The following CABIN1 variants were observed in gnomAD, a reference collection of about 807,000 sequenced individuals.
The protein encoded by CABIN1 is calcineurin-binding protein cabin-1.
CABIN1 carries 133 observed loss-of-function variants against 227.7 expected under a neutral mutation model. That is an observed-to-expected ratio of 0.58 (90% CI 0.51 to 0.67). The LOEUF (loss-of-function observed/expected upper bound fraction) is 0.67. Ranked by LOEUF, CABIN1 falls within the 30% of genes least tolerant of loss-of-function variation. The pLI is 0.00. For synonymous variants in CABIN1, 1,086 were observed against 1,155.1 expected (o/e 0.94, Z 1.21); for missense variants, 2,408 against 2,852.5 (o/e 0.84, Z 3.55).
intron 28 of CABIN1, among the ~76,000 whole-genome samples, chr22:24,126,518 G>A (rs954648398): frequency 1.3e-5 from 2 of 152,024 alleles, no homozygotes; most frequent in African/African-American, 4.8e-5. Flanking sequence ...CTGGAAGCTG[G>A]TGTGACTAGA....
chr22:24,086,159 C>G (rs1033296939), intron 22 of CABIN1, among the ~76,000 whole-genome samples: 5 of 152,246 alleles, frequency 3.3e-5, no homozygotes, highest in Admixed American at 6.5e-5. Context: ...TGGCCGTCCT[C>G]TTGGGGTGAC....
chr22:24,134,942 G>C (rs746832131), intron 29 of CABIN1, among the ~76,000 whole-genome samples: 3 of 151,236 alleles, frequency 2.0e-5, no homozygotes, highest in Non-Finnish European at 4.4e-5. Context: ...GCTGGGCGTG[G>C]TGGCGGGCGC....
intron 13 of CABIN1, among the ~76,000 whole-genome samples, chr22:24,062,706 A>G (rs2039287567): frequency 6.6e-6 from 1 of 152,066 alleles, no homozygotes; most frequent in South Asian, 2.1e-4. Flanking sequence ...GATATACTCA[A>G]TGCTGTCTGT....
rs2039019002 is a variant in CABIN1 at position 24,059,220 on chromosome 22, C to T, written c.1263-7C>T. 2 of 1,614,048 alleles carry T rather than the reference C, an allele frequency of 1.2e-6. No homozygotes were observed. The highest frequency in any genetic ancestry group is 1.7e-5 in the Admixed American group (1 of 60,006). ...GTGACTTTGTGATTTTGGCATGTTA[C>T]ATGCAGGTTAAGAAAGCTGGACCCT... On this transcript the variant is annotated splice_region_variant and splice_polypyrimidine_tract_variant and intron_variant, in intron 10 of 36. Transcript: ENST00000263119.
chr22:24,091,939 C>A, intron 24 of CABIN1, 96 bp downstream of exon 24: 2 of 1,483,520 alleles, frequency 1.3e-6, no homozygotes, highest in East Asian at 2.3e-5. Context: ...AGTGACCGTC[C>A]TTCAACCTGC....
At chr22:24,151,227 G>T (rs1298505291) in intron 29 of CABIN1, among the ~76,000 whole-genome samples, 1 of 152,126 alleles carries the variant, frequency 6.6e-6, no homozygotes, top group Non-Finnish European at 1.5e-5. Context: ...CACAAAGGGG[G>T]TCTATCTGAC....
intron 27 of CABIN1, among the ~76,000 whole-genome samples, chr22:24,118,609 C>T (rs1040055826): frequency 2.0e-5 from 3 of 152,202 alleles, no homozygotes; most frequent in Admixed American, 2.0e-4. Flanking sequence ...CACAGGACCC[C>T]TTGCCTTTAT....
intron 29 of CABIN1, among the ~76,000 whole-genome samples, chr22:24,137,090 A>G (rs2044468812): frequency 6.6e-6 from 1 of 152,184 alleles, no homozygotes; most frequent in Non-Finnish European, 1.5e-5. Flanking sequence ...ATACCGGGGT[A>G]ATATTTCTAA....
At chr22:24,120,145 C>T (rs1013189804) in intron 28 of CABIN1, among the ~76,000 whole-genome samples, 1 of 152,208 alleles carries the variant, frequency 6.6e-6, no homozygotes, top group African/African-American at 2.4e-5. Context: ...GCCCTAGGCC[C>T]CATCTCTCCA....
chr22:24,029,450 G>A (rs2036335006), intron 1 of CABIN1, among the ~76,000 whole-genome samples: 1 of 152,190 alleles, frequency 6.6e-6, no homozygotes, highest in African/African-American at 2.4e-5. Context: ...TACTGAGGAA[G>A]CTGAGATGGG....
At chr22:24,106,915 T>C (rs957386963) in intron 26 of CABIN1, among the ~76,000 whole-genome samples, 1 of 152,224 alleles carries the variant, frequency 6.6e-6, no homozygotes, top group Non-Finnish European at 1.5e-5. Flanking sequence ...GGGTTGACTT[T>C]TAGTATTTGA....
Position 24,134,843 on chromosome 22 carries a change from C to T in CABIN1, c.4746+428C>T, listed in dbSNP as rs190212644. Among the ~76,000 whole-genome samples, 1,410 of 152,266 alleles carry T rather than the reference C, an allele frequency of 9.3e-3. 21 individuals carry two copies. The highest frequency in any genetic ancestry group is 0.03 in the African/African-American group (1,243 of 41,540). ...CTGTAGTCCCAGCACTTTTGGAGGCCGAGGCGGGCAGATCATCTGAGGTCA... is the reference window on the plus strand; with the variant it reads ...CTGTAGTCCCAGCACTTTTGGAGGCTGAGGCGGGCAGATCATCTGAGGTCA... On this transcript the variant is annotated intron_variant, in intron 29 of 36. Transcript: ENST00000263119.
At chr22:24,076,061 G>T in intron 18 of CABIN1, 108 bp from the exon 19 acceptor site, 6 of 711,248 alleles carry the variant, frequency 8.4e-6, no homozygotes, top group African/African-American at 1.8e-5. Flanking sequence ...CTGTAGTCAT[G>T]TTGATAAAGA....
intron 29 of CABIN1, among the ~76,000 whole-genome samples, chr22:24,156,306 C>G (rs545841852): frequency 6.6e-6 from 1 of 152,050 alleles, no homozygotes; most frequent in African/African-American, 2.4e-5. Context: ...GGAAATCGGC[C>G]GGCGGCGGGG....
chr22:24,100,133 T>C (rs1483715633), intron 26 of CABIN1, among the ~76,000 whole-genome samples: 2 of 152,282 alleles, frequency 1.3e-5, no homozygotes, highest in South Asian at 2.1e-4. Flanking sequence ...TTGCACAGTT[T>C]TGAACATTTG....
chr22:24,030,602 G>A (rs1415432360), intron 1 of CABIN1, among the ~76,000 whole-genome samples: 3 of 152,122 alleles, frequency 2.0e-5, no homozygotes, highest in African/African-American at 4.8e-5. Flanking sequence ...AAATAATTAG[G>A]AAGCCTGAAA....
chr22:24,164,399 G>A lies in CABIN1; in HGVS notation c.4747-1G>A, dbSNP rs756614423. 6.2e-7 allele frequency: 1 copy of A among 1,602,550 alleles called. No individual in the cohort carries two copies. The highest frequency in any genetic ancestry group is 1.1e-5 in the South Asian group (1 of 91,078). On this transcript the variant is annotated splice_acceptor_variant, in intron 29 of 36. Transcript: ENST00000263119. LOFTEE classifies it high-confidence loss of function. ...ACACACCTGTGCCATCCATCCCACA[G>A]GGCATCTGGCGGATCCCCGTGGACG...
chr22:24,129,622 CCATCAGTGAAGT>C (rs2043945416), intron 28 of CABIN1, among the ~76,000 whole-genome samples: 2 of 152,228 alleles, frequency 1.3e-5, no homozygotes. Context: ...CCTGGAGGAG[CCATCAGTGAAGT>C]CAGACTGTGT....
At position 24,076,186 on chromosome 22, in the gene CABIN1, A is replaced by G. The variant is rs563004348; in HGVS notation, c.2650A>G (p.Met884Val). 5 of 1,614,154 alleles carry G rather than the reference A, an allele frequency of 3.1e-6. No homozygotes were observed. The Admixed American group carries it at 6.7e-5, about 22-fold the overall frequency. ...TTCCCTAGGGATGTCAGAGACGCCCATGCTCCCATCCTCCCTCATGCTGCT... is the reference window on the plus strand; with the variant it reads ...TTCCCTAGGGATGTCAGAGACGCCCGTGCTCCCATCCTCCCTCATGCTGCT... ...PAEEGMSETP[M>V]LPSSLMLLNT... The change falls in exon 19 of 37, where the codon ATG (methionine) becomes GTG (valine). Residue 884 changes from methionine (M) to valine (V), a missense_variant. Physicochemically the swap from Met to Val is conservative, Grantham distance 21. Transcript: ENST00000263119.
Sources: allele counts gnomAD v4.1 joint callset (sites outside exome capture counted in the v4.1 genomes callset), GRCh38; gene constraint gnomAD v4.1.1; transcripts MANE v1.5; gene names NCBI Gene and HGNC (gene_info 2026-07-23, HGNC 2026-07-21).